ZNF536: variants seen among roughly 807,000 people sequenced by gnomAD.
ZNF536 encodes zinc finger protein 536.
Under a neutral mutation model 84.5 loss-of-function variants are expected in ZNF536, and 13 were observed. That is an observed-to-expected ratio of 0.15 (90% CI 0.10 to 0.24). The LOEUF (loss-of-function observed/expected upper bound fraction) is 0.24. Ranked by LOEUF, ZNF536 falls within the 10% of genes least tolerant of loss-of-function variation. ZNF536 has a pLI of 1.00. For synonymous variants in ZNF536, 811 were observed against 742.5 expected, an observed-to-expected ratio of 1.09 and a Z score of -1.50; for missense variants, 1,536 against 1,747.5, an observed-to-expected ratio of 0.88 and a Z score of 2.16.
intron 2 of ZNF536, among the ~76,000 whole-genome samples, chr19:30,503,159 GCACACA>G (rs34574367): frequency 2.7e-5 from 4 of 148,466 alleles, no homozygotes; most frequent in East Asian, 2.0e-4. Context: ...ATGTGTGTAT[GCACACA>G]CACACACACA....
At chr19:30,253,287 AT>A (rs1054061347) in intron 1 of ZNF536, among the ~76,000 whole-genome samples, 3 of 152,208 alleles carry the variant, frequency 2.0e-5, no homozygotes, top group African/African-American at 4.8e-5. Flanking sequence ...ACATTGAGAC[AT>A]TTTTTGAAGT....
intron 2 of ZNF536, among the ~76,000 whole-genome samples, chr19:30,516,044 A>AG (rs1568505338): frequency 6.7e-6 from 1 of 149,764 alleles, no homozygotes; most frequent in African/African-American, 2.5e-5. Flanking sequence ...AAAAAAAAAG[A>AG]AAAAAAAGCA....
chr19:30,653,224 G>T (rs2049775684), intron 1 of ZNF536, among the ~76,000 whole-genome samples: 1 of 152,194 alleles, frequency 6.6e-6, no homozygotes, highest in African/African-American at 2.4e-5. Context: ...TGACTCAGTA[G>T]TTCTGGGGAG....
chr19:30,639,068 A>G (rs1446037910), intron 1 of ZNF536, among the ~76,000 whole-genome samples: 1 of 152,176 alleles, frequency 6.6e-6, no homozygotes, highest in South Asian at 2.1e-4. Context: ...GGTAGGCCTG[A>G]TTACATTAGC....
chr19:30,267,124 G>A lies in ZNF536; in HGVS notation c.-189-16948G>A, dbSNP rs188726416. On this transcript the variant is annotated intron_variant, in intron 1 of 5. Coordinates refer to the ZNF536 transcript ENST00000585628. ...AGAAAATGAATTACATTGGACTATCGGAGGCAAGAAATATTTTTGTGAAAA... is the reference window on the plus strand; with the variant it reads ...AGAAAATGAATTACATTGGACTATCAGAGGCAAGAAATATTTTTGTGAAAA... 3.5e-3 allele frequency among the ~76,000 whole-genome samples: 526 copies of A among 152,238 alleles called. 4 individuals are homozygous for A. Among genetic ancestry groups the A allele is most frequent in the African/African-American group, 0.012 (514 of 41,534 alleles).
rs547920168 is a variant in ZNF536, at chr19:30,397,060, A to G, written c.-3+24504A>G. On this transcript the variant is annotated intron_variant, in intron 1 of 4. Transcript: ENST00000355537. ...TAACTCTATGGCTGCAAACCTGGGC[A>G]CTTAATACTTGTTAGAACTTGTTAC... is the stretch of plus-strand genomic sequence containing the variant. Among the ~76,000 whole-genome samples, 15 of 152,328 alleles carry G rather than the reference A, an allele frequency of 9.8e-5. No individual in the cohort carries two copies. In the South Asian group the frequency reaches 3.1e-3, roughly 32 times the overall value.
chr19:30,301,536 A>T (rs1214869206), intron 2 of ZNF536, among the ~76,000 whole-genome samples: 1 of 152,188 alleles, frequency 6.6e-6, no homozygotes, highest in Non-Finnish European at 1.5e-5. Context: ...GAAAGGAAGG[A>T]TGAGGTGAGA....
chr19:30,419,441 AT>A (rs2050862261), intron 1 of ZNF536, among the ~76,000 whole-genome samples: 1 of 152,216 alleles, frequency 6.6e-6, no homozygotes, highest in Non-Finnish European at 1.5e-5. Flanking sequence ...TTCAGAAAAA[AT>A]ATACCAGTTT....
chr19:30,547,513 A>T (rs1410256430), intron 3 of ZNF536, among the ~76,000 whole-genome samples: 1 of 152,218 alleles, frequency 6.6e-6, no homozygotes, highest in African/African-American at 2.4e-5. Flanking sequence ...TTTAGGTTTA[A>T]AAATGGTTTC....
intron 1 of ZNF536, among the ~76,000 whole-genome samples, chr19:30,611,628 G>T (rs1413136645): frequency 6.6e-6 from 1 of 152,102 alleles, no homozygotes; most frequent in Admixed American, 6.6e-5. Flanking sequence ...GGGCAATCTG[G>T]GTAGGGAAGG....
chr19:30,332,252 T>G (rs897587750), intron 2 of ZNF536, among the ~76,000 whole-genome samples: 1 of 152,146 alleles, frequency 6.6e-6, no homozygotes, highest in Non-Finnish European at 1.5e-5. Context: ...TCTTCCTCAC[T>G]CTCCCTCCAC....
intron 1 of ZNF536, among the ~76,000 whole-genome samples, chr19:30,623,844 C>T (rs561873514): frequency 6.6e-6 from 1 of 152,300 alleles, no homozygotes; most frequent in East Asian, 1.9e-4. Flanking sequence ...CCGTAGCACT[C>T]TGAATAGTGT....
chr19:30,456,462 C>T (rs369717883), intron 2 of ZNF536, among the ~76,000 whole-genome samples: 2 of 152,008 alleles, frequency 1.3e-5, no homozygotes, highest in African/African-American at 4.8e-5. Flanking sequence ...CTGGTGAGTC[C>T]GAGGTGGCAG....
At chr19:30,599,751 T>A (rs1411528614) in intron 1 of ZNF536, among the ~76,000 whole-genome samples, 1 of 152,182 alleles carries the variant, frequency 6.6e-6, no homozygotes, top group African/African-American at 2.4e-5. Context: ...GAGGACCTGA[T>A]GAGGTTCTGT....
chr19:30,572,906 G>A (rs566412286), intron 1 of ZNF536, among the ~76,000 whole-genome samples: 1 of 152,152 alleles, frequency 6.6e-6, no homozygotes, highest in Non-Finnish European at 1.5e-5. Flanking sequence ...ACTTTTAATG[G>A]CCATATACAA....
chr19:30,384,887 G>A (rs927336083), intron 1 of ZNF536, among the ~76,000 whole-genome samples: 1 of 152,028 alleles, frequency 6.6e-6, no homozygotes, highest in Non-Finnish European at 1.5e-5. Flanking sequence ...TTAGCCAGGC[G>A]TGGTGGCATA....
At chr19:30,237,876 C>T (rs1212982912) in intron 1 of ZNF536, among the ~76,000 whole-genome samples, 1 of 151,846 alleles carries the variant, frequency 6.6e-6, no homozygotes, top group Non-Finnish European at 1.5e-5. Flanking sequence ...TGAGGAAGAG[C>T]TGGAGGCATC....
At chr19:30,281,931 C>T (rs1425887445) in intron 1 of ZNF536, among the ~76,000 whole-genome samples, 2 of 152,176 alleles carry the variant, frequency 1.3e-5, no homozygotes, top group Admixed American at 6.5e-5. Context: ...GGAGGCCTCA[C>T]GTCCAGGCTG....
intron 1 of ZNF536, among the ~76,000 whole-genome samples, chr19:30,596,262 G>C (rs1335193273): frequency 6.6e-6 from 1 of 151,202 alleles, no homozygotes; most frequent in South Asian, 2.1e-4. Flanking sequence ...GAGAGAGGGA[G>C]AGGGGAAAAA....
Sources: allele counts gnomAD v4.1 joint callset (sites outside exome capture counted in the v4.1 genomes callset), GRCh38; gene constraint gnomAD v4.1.1; transcripts MANE v1.5; gene names NCBI Gene and HGNC (gene_info 2026-07-23, HGNC 2026-07-21).